The following ALDH18A1 variants were observed in gnomAD, a reference collection of about 807,000 sequenced individuals.
ALDH18A1 encodes aldehyde dehydrogenase 18 family member A1.
A neutral mutation model predicts 88.8 loss-of-function variants in ALDH18A1; 44 were observed. That is an observed-to-expected ratio of 0.50 (90% confidence interval 0.39 to 0.64). ALDH18A1 has a LOEUF of 0.64. Among genes scored for constraint, ALDH18A1 ranks in the 30% least tolerant of loss-of-function variants. ALDH18A1 has a pLI of 0.00. For synonymous variants in ALDH18A1, 331 were observed against 372.1 expected (o/e 0.89, Z 1.27); for missense variants, 782 against 1,009.5 (o/e 0.77, Z 3.05).
In ALDH18A1 at chr10:95,643,225, A is replaced by G; in HGVS notation, c.89-19T>C. 2 of 1,611,942 alleles carry G rather than the reference A, an allele frequency of 1.2e-6. No individual in the cohort carries two copies. The highest frequency in any genetic ancestry group is 1.7e-6 in the Non-Finnish European group (2 of 1,178,180). On this transcript the variant is annotated intron_variant, in intron 2 of 17. Transcript: ENST00000371224. ...ATACAATCTGTAGCCATCAAAGTCA[A>G]ATGCAAGAAAAAAAGAAATACTCAA... is the stretch of plus-strand genomic sequence containing the variant.
In ALDH18A1 at chr10:95,627,576, G is replaced by A. The variant is rs1454614527; in HGVS notation, c.944C>T (p.Ala315Val). The change falls in exon 9 of 18, where the codon GCC (alanine) becomes GTC (valine). Residue 315 changes from alanine (A) to valine (V), a missense_variant. Ala to Val is a moderately conservative substitution (Grantham distance 64). Coordinates refer to ENST00000371224, the MANE Select transcript of ALDH18A1 (RefSeq NM_002860.4). Reference protein sequence around the residue: ...MGGMEAKVKAALWALQGGTSV... With the variant: ...MGGMEAKVKAVLWALQGGTSV... ...AGTGCCACCTTGCAAAGCCCAGAGG[G>A]CTGCTTTCACCTAATGAGACAGGTT... 1 of 1,613,978 alleles carries A rather than the reference G, an allele frequency of 6.2e-7. No homozygotes were observed. Among genetic ancestry groups the A allele is most frequent in the Non-Finnish European group, 8.5e-7 (1 of 1,179,956 alleles).
intron 15 of ALDH18A1, 81 bp from the exon 16 acceptor site, chr10:95,611,523 C>G (rs2097834453): frequency 6.5e-7 from 1 of 1,535,686 alleles, no homozygotes; most frequent in Non-Finnish European, 9.0e-7. Flanking sequence ...AAAGGTGAGC[C>G]TGTAAAACCA....
chr10:95,637,810 A>C (rs1271716081), intron 3 of ALDH18A1, among the ~76,000 whole-genome samples: 1 of 152,122 alleles, frequency 6.6e-6, no homozygotes, highest in Non-Finnish European at 1.5e-5. Flanking sequence ...CTCTACAAAA[A>C]GTACAAAATT....
chr10:95,606,957 T>C lies in ALDH18A1; in HGVS notation c.2207-14A>G, dbSNP rs751744859. 1.9e-6 allele frequency: 3 copies of C among 1,613,306 alleles called. No homozygotes were observed. The highest frequency in any genetic ancestry group is 2.5e-6 in the Non-Finnish European group (3 of 1,179,566). ...CCACTTCAGCTCCTGTGAAAAAGCA[T>C]GAATAAAAGATGTAGCTTTTCCCAG... On this transcript the variant is annotated splice_polypyrimidine_tract_variant and intron_variant, in intron 17 of 17. Transcript: ENST00000371224.
At chr10:95,639,149 T>C (rs906943752) in intron 3 of ALDH18A1, among the ~76,000 whole-genome samples, 1 of 151,924 alleles carries the variant, frequency 6.6e-6, no homozygotes, top group African/African-American at 2.4e-5. Context: ...CTGAGCAAAA[T>C]AGTAAGACCC....
chr10:95,610,116 G>T, intron 17 of ALDH18A1, 81 bp downstream of exon 17: 1 of 1,355,202 alleles, frequency 7.4e-7, no homozygotes, highest in Non-Finnish European at 1.1e-6. Flanking sequence ...AAGGGGAGGT[G>T]TCTTTCCCAC....
intron 11 of ALDH18A1, among the ~76,000 whole-genome samples, chr10:95,622,111 T>C (rs1479205506): frequency 6.6e-6 from 1 of 152,244 alleles, no homozygotes; most frequent in African/African-American, 2.4e-5. Flanking sequence ...ATTATTTTTA[T>C]AATCAGAACC....
At chr10:95,630,465 T>C (rs868383194) in intron 7 of ALDH18A1, among the ~76,000 whole-genome samples, 1 of 152,202 alleles carries the variant, frequency 6.6e-6, no homozygotes, top group Non-Finnish European at 1.5e-5. Context: ...GTAATCCCAG[T>C]GCTTTGGGAG....
chr10:95,619,058 C>T (rs1206943757), intron 12 of ALDH18A1, among the ~76,000 whole-genome samples: 1 of 152,154 alleles, frequency 6.6e-6, no homozygotes, highest in Non-Finnish European at 1.5e-5. Context: ...ACACAATTGT[C>T]TTTGGGAAAC....
chr10:95,608,677 T>A (rs1442440607), intron 17 of ALDH18A1, among the ~76,000 whole-genome samples: 1 of 152,094 alleles, frequency 6.6e-6, no homozygotes, highest in African/African-American at 2.4e-5. Context: ...AATTTTTTCA[T>A]CTCTGTAGAG....
intron 2 of ALDH18A1, among the ~76,000 whole-genome samples, chr10:95,644,973 A>G (rs2097898781): frequency 6.6e-6 from 1 of 152,210 alleles, no homozygotes; most frequent in Non-Finnish European, 1.5e-5. Flanking sequence ...GGCTTCCTTC[A>G]GGAGAAAGAG....
rs2097881957 is a variant in ALDH18A1 at position 95,637,037 on chromosome 10, T to C, written c.558+56A>G. ...AATAGTCTGGCTCCAGACCCCTTTG[T>C]TCCACAACAACCACCCTCACAGGTC... On this transcript the variant is annotated intron_variant, in intron 5 of 17. Transcript: ENST00000371224. The C allele has an allele frequency of 2.6e-6, 4 of 1,533,920 alleles. No homozygotes were observed. The South Asian group carries it at 3.4e-5, about 13-fold the overall frequency.
chr10:95,613,072 A>G (rs867345849), intron 15 of ALDH18A1, among the ~76,000 whole-genome samples: 11 of 152,376 alleles, frequency 7.2e-5, no homozygotes, highest in South Asian at 6.2e-4. Context: ...AAAGTGTACT[A>G]TGACATCAGA....
intron 11 of ALDH18A1, 67 bp from the exon 12 acceptor site, chr10:95,621,318 G>GTTTT: frequency 4.0e-6 from 4 of 999,374 alleles, no homozygotes; most frequent in Non-Finnish European, 5.8e-6. Context: ...CAACCGATGT[G>GTTTT]TCTTTTTTTT....
chr10:95,635,435 C>A (rs1030661831), intron 5 of ALDH18A1, among the ~76,000 whole-genome samples: 1 of 152,168 alleles, frequency 6.6e-6, no homozygotes, highest in South Asian at 2.1e-4. Context: ...CGTGTTTAGA[C>A]AAGCGCAATC....
chr10:95,642,488 G>A (rs1052100007), intron 3 of ALDH18A1, among the ~76,000 whole-genome samples: 5 of 152,156 alleles, frequency 3.3e-5, no homozygotes, highest in Non-Finnish European at 7.3e-5. Context: ...AATGGTTTGT[G>A]CCTGTAGCTG....
intron 2 of ALDH18A1, 66 bp from the exon 3 acceptor site, chr10:95,643,272 T>C (rs2097895395): frequency 6.6e-7 from 1 of 1,520,036 alleles, no homozygotes; most frequent in African/African-American, 1.4e-5. Flanking sequence ...AATAAAAATA[T>C]ACATGCTCAG....
At position 95,611,410 on chromosome 10, in the gene ALDH18A1, G is replaced by A. The variant is rs2097834198; in HGVS notation, c.1956C>T (p.Ser652=). 1 of 1,614,082 alleles carries A rather than the reference G, an allele frequency of 6.2e-7. No homozygotes were observed. Among genetic ancestry groups the A allele is most frequent in the African/African-American group, 1.3e-5 (1 of 74,920 alleles). ...VKIHAGPKFA[S]YLTFSPSEVK... ...CTTCGGAGGGGCTGAAGGTCAGATA[G>A]GAGGCAAATTTGGGGCCTGCATGAA... The change falls in exon 16 of 18, where the codon TCC becomes TCT. Residue 652 remains serine (S), a synonymous_variant. Transcript: ENST00000371224.
chr10:95,625,560 A>G, intron 10 of ALDH18A1, 105 bp from the exon 11 acceptor site: 1 of 900,456 alleles, frequency 1.1e-6, no homozygotes. Context: ...CCTTGCTCCC[A>G]CATCCACGGT....
Sources: gnomAD v4.1 joint callset for allele counts (sites outside exome capture counted in the v4.1 genomes callset) on GRCh38, gnomAD v4.1.1 for gene constraint, MANE v1.5 for transcripts, NCBI Gene and HGNC (gene_info 2026-07-23, HGNC 2026-07-21) for gene names.